The following FARP1 variants were observed in gnomAD, a reference collection of about 807,000 sequenced individuals.
FARP1 encodes FERM, ARHGEF and pleckstrin domain-containing protein 1.
In FARP1, 52 loss-of-function variants were observed where a neutral mutation model predicts 128.8. That is an observed-to-expected ratio of 0.40 (90% CI 0.32 to 0.51). The LOEUF is 0.51. FARP1 is among the 20% of genes least tolerant of loss of function. The pLI is 0.45. For synonymous variants in FARP1, 580 were observed against 551.8 expected, an observed-to-expected ratio of 1.05 and a Z score of -0.72; for missense variants, 1,333 against 1,367.9, an observed-to-expected ratio of 0.97 and a Z score of 0.40.
At chr13:98,297,264 T>A (rs1418671311) in intron 2 of FARP1, among the ~76,000 whole-genome samples, 1 of 152,202 alleles carries the variant, frequency 6.6e-6, no homozygotes, top group Non-Finnish European at 1.5e-5. Context: ...AGCAGCTCCA[T>A]AAAACCAAAA....
chr13:98,280,965 A>C (rs1031113163), intron 2 of FARP1, among the ~76,000 whole-genome samples: 6 of 152,228 alleles, frequency 3.9e-5, no homozygotes, highest in Admixed American at 3.9e-4. Flanking sequence ...ATGTAATCCT[A>C]ATCTGTTACT....
intron 5 of FARP1, among the ~76,000 whole-genome samples, chr13:98,370,112 G>T (rs1470707428): frequency 6.6e-6 from 1 of 152,230 alleles, no homozygotes; most frequent in African/African-American, 2.4e-5. Flanking sequence ...TGTGATAGAG[G>T]TGCCTGGGTG....
chr13:98,184,094 C>A (rs1878703242), intron 1 of FARP1, among the ~76,000 whole-genome samples: 1 of 152,056 alleles, frequency 6.6e-6, no homozygotes, highest in Admixed American at 6.5e-5. Flanking sequence ...GTGTCAGACT[C>A]AAAAAGCCAG....
intron 2 of FARP1, among the ~76,000 whole-genome samples, chr13:98,325,157 T>G (rs1417762830): frequency 6.6e-6 from 1 of 152,198 alleles, no homozygotes; most frequent in Non-Finnish European, 1.5e-5. Context: ...CTGAAAAATA[T>G]GGTTTATGCA....
In FARP1 at chr13:98,410,857, A is replaced by G. The variant is rs183214534; in HGVS notation, c.1692+34A>G. ...AGTATTTCCCCAAAAGCATTCGATTACATGATTTATCTCAGCTAATACTCA... is the reference window on the plus strand; with the variant it reads ...AGTATTTCCCCAAAAGCATTCGATTGCATGATTTATCTCAGCTAATACTCA... On this transcript the variant is annotated intron_variant, in intron 15 of 26. Coordinates refer to ENST00000319562, the MANE Select transcript of FARP1 (RefSeq NM_005766.4). 7.8e-5 allele frequency: 88 copies of G among 1,130,134 alleles called. No individual in the cohort carries two copies. The African/African-American group carries it at 1.2e-3, about 15-fold the overall frequency. 70.0% of individuals were successfully genotyped at this position (1,130,134 alleles called of 1,614,324 possible).
chr13:98,182,853 T>G (rs1878624756), intron 1 of FARP1, among the ~76,000 whole-genome samples: 2 of 152,220 alleles, frequency 1.3e-5, no homozygotes, highest in Non-Finnish European at 2.9e-5. Flanking sequence ...GGTTAATGTT[T>G]CTTTCTTTTG....
chr13:98,221,728 A>G (rs1423167320), intron 2 of FARP1, among the ~76,000 whole-genome samples: 1 of 152,054 alleles, frequency 6.6e-6, no homozygotes, highest in Admixed American at 6.5e-5. Flanking sequence ...TAGAGTCAGG[A>G]TGTTCCTGGG....
At chr13:98,231,815 C>T (rs1882131126) in intron 2 of FARP1, among the ~76,000 whole-genome samples, 1 of 151,874 alleles carries the variant, frequency 6.6e-6, no homozygotes, top group African/African-American at 2.4e-5. Flanking sequence ...TAAAATTTGC[C>T]CTTTTGCTTT....
Position 98,172,118 on chromosome 13 carries a change from C to G in FARP1, c.-24+28626C>G, listed in dbSNP as rs148637907. On this transcript the variant is annotated intron_variant, in intron 1 of 26. Transcript: ENST00000319562. ...AATCCGGCCGTTCTTTATCTGTGCTCTGCTGTTTGTTGGGCGGGGTGGGGA... is the reference window on the plus strand; with the variant it reads ...AATCCGGCCGTTCTTTATCTGTGCTGTGCTGTTTGTTGGGCGGGGTGGGGA... Among the ~76,000 whole-genome samples the G allele has an allele frequency of 6.3e-3, 952 of 152,062 alleles. 8 individuals are homozygous for G. Among genetic ancestry groups the G allele is most frequent in the African/African-American group, 0.022 (911 of 41,470 alleles).
In FARP1 at chr13:98,388,419, G is replaced by A. The variant is rs756459895; in HGVS notation, c.796G>A (p.Val266Met). 3.1e-6 allele frequency: 5 copies of A among 1,614,122 alleles called. No individual in the cohort carries two copies. Among genetic ancestry groups the A allele is most frequent in the Non-Finnish European group, 1.7e-6 (2 of 1,179,960 alleles). ...TKINAFNWAK[V>M]RKLSFKRKRF... ...GATCAATGCCTTCAACTGGGCCAAG[G>A]TGCGGAAGCTGAGCTTCAAGAGGAA... The change falls in exon 9 of 27, where the codon GTG becomes ATG. Residue 266 changes from valine to methionine, a missense_variant. This residue lies in a region of FARP1 where 324 missense variants were observed against 398.1 expected (regional missense o/e 0.81). Transcript: ENST00000319562.
At chr13:98,279,134 C>G (rs977908818) in intron 2 of FARP1, among the ~76,000 whole-genome samples, 2 of 151,996 alleles carry the variant, frequency 1.3e-5, no homozygotes, top group South Asian at 4.2e-4. Flanking sequence ...CGTGCCCGGC[C>G]CATTTTAATG....
intron 2 of FARP1, among the ~76,000 whole-genome samples, chr13:98,307,997 A>T (rs964699486): frequency 2.4e-5 from 2 of 83,204 alleles, no homozygotes; most frequent in African/African-American, 3.8e-5. Context: ...CCTGGCCTGG[A>T]CTGCCTGCCC....
intron 1 of FARP1, among the ~76,000 whole-genome samples, chr13:98,160,156 A>G (rs1042235381): frequency 3.3e-5 from 5 of 152,356 alleles, no homozygotes; most frequent in East Asian, 1.9e-4. Flanking sequence ...CACTGTGGCC[A>G]GGAAACCATG....
At chr13:98,151,658 A>ATTTTTTTTTTTT (rs1197060435) in intron 1 of FARP1, among the ~76,000 whole-genome samples, 56 of 24,128 alleles carry the variant, frequency 2.3e-3, no homozygotes, top group East Asian at 0.015. Context: ...TATATCTTCC[A>ATTTTTTTTTTTT]TCTTTTTTTT....
chr13:98,361,741 C>T (rs1346006563), intron 3 of FARP1, among the ~76,000 whole-genome samples: 2 of 152,164 alleles, frequency 1.3e-5, no homozygotes, highest in Non-Finnish European at 2.9e-5. Context: ...TGTCATTAGC[C>T]TGTCCCTGTC....
At chr13:98,256,280 A>G (rs1444912600) in intron 2 of FARP1, among the ~76,000 whole-genome samples, 1 of 152,236 alleles carries the variant, frequency 6.6e-6, no homozygotes, top group African/African-American at 2.4e-5. Flanking sequence ...CAGTATTTAA[A>G]ATTCGAGGTT....
In FARP1 at chr13:98,351,090, A is replaced by G. The variant is rs539594488; in HGVS notation, c.276+7224A>G. ...CCAGCCTCGCCTCCCCACAGAAGCG[A>G]TCCTGCCCTTGTTCCCCCTCCCCCT... On this transcript the variant is annotated intron_variant, in intron 3 of 26. Coordinates refer to ENST00000319562, the MANE Select transcript of FARP1 (RefSeq NM_005766.4). Among the ~76,000 whole-genome samples the G allele has an allele frequency of 3.5e-3, 411 of 117,442 alleles. 6 individuals carry two copies. The highest frequency in any genetic ancestry group is 6.1e-3 in the Non-Finnish European group (337 of 55,594). 77.0% of individuals were successfully genotyped at this position (117,442 alleles called of 152,430 possible). A position where few individuals can be genotyped will look rare whatever the true frequency, so the allele number is the denominator to read the frequency against.
At chr13:98,381,091 A>G (rs1889873210) in intron 6 of FARP1, among the ~76,000 whole-genome samples, 1 of 152,142 alleles carries the variant, frequency 6.6e-6, no homozygotes, top group African/African-American at 2.4e-5. Flanking sequence ...AGGCAAATAG[A>G]TGGGATGAGA....
intron 17 of FARP1, among the ~76,000 whole-genome samples, chr13:98,429,769 TGAGAAATCTAGATCTGGTG>T (rs1258853110): frequency 6.6e-6 from 1 of 152,192 alleles, no homozygotes; most frequent in Non-Finnish European, 1.5e-5. Flanking sequence ...ATAGCCTGGA[TGAGAAATCTAGATCTGGTG>T]CCGCATTTTC....
Sources: gnomAD v4.1 joint callset for allele counts (sites outside exome capture counted in the v4.1 genomes callset) on GRCh38, gnomAD v4.1.1 for gene constraint, gnomAD v4.1.1 regional missense constraint, MANE v1.5 for transcripts, NCBI Gene and HGNC (gene_info 2026-07-23, HGNC 2026-07-21) for gene names.